Variants in PRKG1 observed in about 807,000 individuals in gnomAD.
PRKG1 encodes the protein cGMP-dependent protein kinase 1.
A neutral mutation model predicts 88.1 loss-of-function variants in PRKG1; 35 were observed. That is an observed-to-expected ratio of 0.40 (90% CI 0.30 to 0.53). The LOEUF is 0.53. Ranked by LOEUF, PRKG1 falls within the 20% of genes least tolerant of loss-of-function variation. The probability of loss-of-function intolerance (pLI) is 0.59; values close to 1 mark genes in which losing one functional copy is unlikely to be tolerated. For synonymous variants in PRKG1, 303 were observed against 292.5 expected (o/e 1.04, Z -0.37); for missense variants, 540 against 839.8 (o/e 0.64, Z 4.41).
At chr10:51,351,303 T>TTCTGG (rs1249510367) in intron 2 of PRKG1, among the ~76,000 whole-genome samples, 3 of 152,208 alleles carry the variant, frequency 2.0e-5, no homozygotes, top group African/African-American at 7.2e-5. Context: ...CAAGTGGTAT[T>TTCTGG]TCTGGTTCTA....
At chr10:52,141,265 G>A (rs1351208278) in intron 8 of PRKG1, among the ~76,000 whole-genome samples, 1 of 152,114 alleles carries the variant, frequency 6.6e-6, no homozygotes, top group African/African-American at 2.4e-5. Context: ...CCCTGAACAA[G>A]CATGATCTAA....
chr10:52,020,093 T>TTC, intron 5 of PRKG1, among the ~76,000 whole-genome samples: 1 of 152,036 alleles, frequency 6.6e-6, no homozygotes, highest in Middle Eastern at 3.4e-3. Flanking sequence ...GTTTCTGAGT[T>TTC]TTTTTAATCT....
intron 3 of PRKG1, among the ~76,000 whole-genome samples, chr10:51,748,712 C>T (rs868346117): frequency 2.6e-5 from 4 of 152,152 alleles, no homozygotes; most frequent in African/African-American, 7.2e-5. Context: ...AGTTCACAAA[C>T]TTTATTTCAT....
At chr10:52,155,075 A>G (rs537055924) in intron 8 of PRKG1, among the ~76,000 whole-genome samples, 1 of 152,140 alleles carries the variant, frequency 6.6e-6, no homozygotes, top group African/African-American at 2.4e-5. Context: ...TATTTTTGCA[A>G]TTGTGAATTG....
chr10:51,647,995 C>T (rs925779249), intron 3 of PRKG1, among the ~76,000 whole-genome samples: 11 of 151,312 alleles, frequency 7.3e-5, no homozygotes, highest in Non-Finnish European at 1.5e-5. Context: ...AATCATTTTT[C>T]CTTTTAGGTT....
chr10:51,501,322 CTCTGAA>C (rs1564524727), intron 3 of PRKG1, among the ~76,000 whole-genome samples: 1 of 152,126 alleles, frequency 6.6e-6, no homozygotes, highest in East Asian at 1.9e-4. Context: ...TTTTTGAGAT[CTCTGAA>C]TCTGACTTTG....
chr10:51,495,686 C>G (rs1326900766), intron 3 of PRKG1, among the ~76,000 whole-genome samples: 1 of 152,196 alleles, frequency 6.6e-6, no homozygotes, highest in Admixed American at 6.5e-5. Context: ...CTCAAACATG[C>G]ATTGCTTTTA....
chr10:52,221,692 T>G (rs1448412156), intron 9 of PRKG1, among the ~76,000 whole-genome samples: 1 of 152,216 alleles, frequency 6.6e-6, no homozygotes, highest in Non-Finnish European at 1.5e-5. Flanking sequence ...TATTTTTTAC[T>G]TGTTTTACAT....
chr10:52,047,040 AG>A (rs1845878301), intron 5 of PRKG1: 1 of 152,138 alleles, frequency 6.6e-6, no homozygotes, highest in Non-Finnish European at 1.5e-5. Context: ...ATAGTATGAG[AG>A]ATGCGTAATT....
intron 2 of PRKG1, among the ~76,000 whole-genome samples, chr10:51,325,576 G>A (rs766843600): frequency 5.3e-5 from 8 of 152,060 alleles, no homozygotes; most frequent in Non-Finnish European, 8.8e-5. Flanking sequence ...TTTTCTCTTC[G>A]CTTTGTTGTT....
rs5784912 is a variant in PRKG1, at chr10:52,215,037, C to CAAA, written c.1077-36520_1077-36518dup. The stretch of plus-strand genomic sequence containing the variant: ...GTTAAAATAATGATAAAAGTTTTTT[C>CAAA]AAAAAAAAAAAAAAATGCCAGCATG... On this transcript the variant is annotated intron_variant, in intron 9 of 17. Coordinates refer to ENST00000373980, the MANE Select transcript of PRKG1 (RefSeq NM_006258.4). Among the ~76,000 whole-genome samples the CAAA allele has an allele frequency of 2.9e-3, 384 of 134,058 alleles. 2 individuals are homozygous for CAAA. The highest frequency in any genetic ancestry group is 4.8e-3 in the East Asian group (23 of 4,828). 87.9% of individuals were successfully genotyped at this position (134,058 alleles called of 152,430 possible). A position where few individuals can be genotyped will look rare whatever the true frequency, so the allele number is the denominator to read the frequency against.
chr10:51,234,285 C>A (rs1294725163), intron 2 of PRKG1, among the ~76,000 whole-genome samples: 1 of 152,090 alleles, frequency 6.6e-6, no homozygotes, highest in Non-Finnish European at 1.5e-5. Flanking sequence ...TGGTTGGGGC[C>A]ACTCCTCACC....
intron 2 of PRKG1, among the ~76,000 whole-genome samples, chr10:51,346,369 T>C (rs757692944): frequency 6.6e-6 from 1 of 152,248 alleles, no homozygotes; most frequent in Non-Finnish European, 1.5e-5. Flanking sequence ...GATGAAAATA[T>C]GTATTATACA....
intron 4 of PRKG1, among the ~76,000 whole-genome samples, chr10:51,893,285 A>T (rs1841766756): frequency 6.6e-6 from 1 of 152,014 alleles, no homozygotes; most frequent in Admixed American, 6.6e-5. Context: ...GTCTCAAGTA[A>T]ATAGCCTCAA....
intron 2 of PRKG1, among the ~76,000 whole-genome samples, chr10:51,154,247 C>CT (rs1359669964): frequency 6.6e-6 from 1 of 151,920 alleles, no homozygotes; most frequent in Non-Finnish European, 1.5e-5. Context: ...TTCTTTCTTT[C>CT]TGCCAGTGGT....
chr10:51,194,154 A>G (rs946602260), intron 2 of PRKG1, among the ~76,000 whole-genome samples: 21 of 152,100 alleles, frequency 1.4e-4, no homozygotes, highest in Admixed American at 1.2e-3. Context: ...AAAAAACCAC[A>G]TCTATTATTC....
intron 3 of PRKG1, among the ~76,000 whole-genome samples, chr10:51,505,203 G>T (rs905901412): frequency 2.0e-5 from 3 of 152,078 alleles, no homozygotes; most frequent in Admixed American, 2.0e-4. Flanking sequence ...TTTTGTCAAA[G>T]GCCTTTTCTG....
chr10:51,797,134 C>T (rs1839032784), intron 3 of PRKG1, among the ~76,000 whole-genome samples: 1 of 149,290 alleles, frequency 6.7e-6, no homozygotes. Context: ...CCAGTGCCTG[C>T]TTATGGAATT....
At chr10:51,945,950 C>G (rs1427343109) in intron 5 of PRKG1, among the ~76,000 whole-genome samples, 1 of 149,658 alleles carries the variant, frequency 6.7e-6, no homozygotes, top group African/African-American at 2.5e-5. Flanking sequence ...TTGCTCTTCT[C>G]GAGGAGTATC....
Sources: gnomAD v4.1 joint callset for allele counts (sites outside exome capture counted in the v4.1 genomes callset) on GRCh38, gnomAD v4.1.1 for gene constraint, MANE v1.5 for transcripts, NCBI Gene and HGNC (gene_info 2026-07-23, HGNC 2026-07-21) for gene names.